The following XYLT1 variants were observed in gnomAD, a reference collection of about 807,000 sequenced individuals.
XYLT1 encodes beta-D-xylosyltransferase 1.
Under a neutral mutation model 91.3 loss-of-function variants are expected in XYLT1, and 36 were observed. The observed-to-expected ratio is 0.39, with a 90% CI of 0.30 to 0.52. The LOEUF is 0.52. Among genes scored for constraint, XYLT1 ranks in the 20% least tolerant of loss-of-function variants. The probability of loss-of-function intolerance (pLI) is 0.68; values close to 1 mark genes in which losing one functional copy is unlikely to be tolerated. For missense variants in XYLT1, 1,242 were observed against 1,284.5 expected, an observed-to-expected ratio of 0.97 and a Z score of 0.51; for synonymous variants, 588 against 532.0, an observed-to-expected ratio of 1.11 and a Z score of -1.45.
At chr16:17,179,769 T>G (rs1192216877) in intron 5 of XYLT1, among the ~76,000 whole-genome samples, 1 of 152,252 alleles carries the variant, frequency 6.6e-6, no homozygotes, top group Non-Finnish European at 1.5e-5. Flanking sequence ...TTTATTTATT[T>G]ATTTACTTTT....
chr16:17,344,143 A>G (rs550952419), intron 2 of XYLT1, among the ~76,000 whole-genome samples: 1 of 152,190 alleles, frequency 6.6e-6, no homozygotes, highest in East Asian at 1.9e-4. Context: ...TAGTGTGTAC[A>G]TGCCAGAGAT....
intron 1 of XYLT1, among the ~76,000 whole-genome samples, chr16:17,397,856 T>C (rs1015919534): frequency 7.3e-6 from 1 of 137,548 alleles, no homozygotes; most frequent in Non-Finnish European, 1.5e-5. Flanking sequence ...TTTGAGACAG[T>C]GTATTGCCCA....
intron 1 of XYLT1, among the ~76,000 whole-genome samples, chr16:17,387,860 C>A (rs2035766130): frequency 6.6e-6 from 1 of 152,154 alleles, no homozygotes; most frequent in African/African-American, 2.4e-5. Flanking sequence ...CGTGAAGATT[C>A]TATTCAGAGG....
chr16:17,161,638 C>T (rs1409906743), intron 5 of XYLT1, among the ~76,000 whole-genome samples: 2 of 151,930 alleles, frequency 1.3e-5, no homozygotes, highest in South Asian at 4.2e-4. Context: ...TAACAGCTTG[C>T]GATCTGGTGA....
chr16:17,374,188 G>A (rs2035568816), intron 1 of XYLT1, among the ~76,000 whole-genome samples: 1 of 152,176 alleles, frequency 6.6e-6, no homozygotes. Context: ...TGGTGGGAAG[G>A]CACTCATAAT....
chr16:17,130,035 G>C (rs114083839), intron 9 of XYLT1, among the ~76,000 whole-genome samples: 4,121 of 152,310 alleles, frequency 0.027, 196 homozygotes, highest in African/African-American at 0.093. Flanking sequence ...TTGCTTTCTT[G>C]CTCTTTTGAG....
At chr16:17,401,930 A>C (rs1474204069) in intron 1 of XYLT1, among the ~76,000 whole-genome samples, 1 of 152,196 alleles carries the variant, frequency 6.6e-6, no homozygotes, top group Non-Finnish European at 1.5e-5. Flanking sequence ...GGTGACATTA[A>C]ATAAGGTGCA....
intron 1 of XYLT1, among the ~76,000 whole-genome samples, chr16:17,428,798 C>G (rs141733751): frequency 6.6e-6 from 1 of 152,088 alleles, no homozygotes; most frequent in East Asian, 1.9e-4. Flanking sequence ...CCAAAAGGTT[C>G]CTGATTAACA....
chr16:17,465,261 G>T (rs938577173), intron 1 of XYLT1, among the ~76,000 whole-genome samples: 2 of 151,828 alleles, frequency 1.3e-5, no homozygotes, highest in African/African-American at 4.8e-5. Context: ...TTTGGAAAGG[G>T]GCAGGCCTGG....
At chr16:17,133,530 A>AGGCATTAAAAGGAATCATTATCATT (rs1412146552) in intron 9 of XYLT1, among the ~76,000 whole-genome samples, 1 of 152,224 alleles carries the variant, frequency 6.6e-6, no homozygotes, top group African/African-American at 2.4e-5. Flanking sequence ...GGAATACTAG[A>AGGCATTAAAAGGAATCATTATCATT]GGCATTAAAA....
chr16:17,420,816 A>C (rs2036241986), intron 1 of XYLT1, among the ~76,000 whole-genome samples: 1 of 152,192 alleles, frequency 6.6e-6, no homozygotes, highest in Non-Finnish European at 1.5e-5. Flanking sequence ...AGAAAATTCC[A>C]ACCAAAAACA....
chr16:17,222,515 C>T (rs373539719), intron 3 of XYLT1, among the ~76,000 whole-genome samples: 16 of 152,278 alleles, frequency 1.1e-4, no homozygotes, highest in East Asian at 7.7e-4. Context: ...CTAGACCGGG[C>T]GCAGTGGCTT....
chr16:17,386,087 G>A (rs182726862), intron 1 of XYLT1, among the ~76,000 whole-genome samples: 2 of 152,212 alleles, frequency 1.3e-5, no homozygotes, highest in East Asian at 1.9e-4. Flanking sequence ...AACCGGTATC[G>A]CTTTAAATAA....
In XYLT1 at chr16:17,101,811, C is replaced by T. The variant is rs531820833; in HGVS notation, c.*6884G>A. ...TCAGTCACATGGCCATGGCTAAGAG[C>T]AAGGCAGTCTGGAAGATGCAGTCTA... On this transcript the variant is annotated 3_prime_UTR_variant, in exon 12 of 12. Coordinates refer to ENST00000261381, the MANE Select transcript of XYLT1 (RefSeq NM_022166.4). 1.3e-5 allele frequency: 2 copies of T among 152,326 alleles called. No individual in the cohort carries two copies. Among genetic ancestry groups the T allele is most frequent in the African/African-American group, 4.8e-5 (2 of 41,566 alleles). 9.4% of individuals were successfully genotyped at this position (152,326 alleles called of 1,614,324 possible). A position where few individuals can be genotyped will look rare whatever the true frequency, so the allele number is the denominator to read the frequency against.
chr16:17,284,542 A>G (rs2034106420), intron 2 of XYLT1, among the ~76,000 whole-genome samples: 1 of 152,232 alleles, frequency 6.6e-6, no homozygotes, highest in Non-Finnish European at 1.5e-5. Flanking sequence ...AGGAGGTAGC[A>G]TTTGGGTGGC....
intron 7 of XYLT1, chr16:17,138,786 T>C (rs2141516393): frequency 2.4e-6 from 1 of 414,274 alleles, no homozygotes; most frequent in African/African-American, 2.0e-5. Context: ...CACAACTACC[T>C]GACTGTCAAG....
At chr16:17,150,737 G>T (rs886990134) in intron 6 of XYLT1, among the ~76,000 whole-genome samples, 11 of 152,120 alleles carry the variant, frequency 7.2e-5, no homozygotes, top group Non-Finnish European at 1.5e-5. Context: ...TAGACATCGA[G>T]AAATATGAAA....
chr16:17,153,187 A>G (rs2031323506), intron 6 of XYLT1, among the ~76,000 whole-genome samples: 1 of 152,204 alleles, frequency 6.6e-6, no homozygotes, highest in African/African-American at 2.4e-5. Context: ...GGGCTTTTCC[A>G]TATATTAATT....
At chr16:17,219,227 G>T (rs543919177) in intron 3 of XYLT1, among the ~76,000 whole-genome samples, 1 of 144,826 alleles carries the variant, frequency 6.9e-6, no homozygotes, top group African/African-American at 2.6e-5. Flanking sequence ...GCTGCAGTGT[G>T]CTGAGGTCGT....
Sources: gnomAD v4.1 joint callset for allele counts (sites outside exome capture counted in the v4.1 genomes callset) on GRCh38, gnomAD v4.1.1 for gene constraint, MANE v1.5 for transcripts, NCBI Gene and HGNC (gene_info 2026-07-23, HGNC 2026-07-21) for gene names.